TYR: variants seen among roughly 807,000 people sequenced by gnomAD.
TYR encodes the protein LB24-AB.
In TYR, 58 loss-of-function variants were observed where a neutral mutation model predicts 51.5. The observed-to-expected ratio is 1.13, with a 90% CI of 0.91 to 1.40. The LOEUF (loss-of-function observed/expected upper bound fraction) is 1.40, where lower values mean the gene tolerates loss of function less well. Among genes scored for constraint, TYR ranks in the 40% most tolerant of loss-of-function variants. The probability of loss-of-function intolerance (pLI) is 0.00; values close to 1 mark genes in which losing one functional copy is unlikely to be tolerated. For synonymous variants in TYR, 263 were observed against 235.2 expected (o/e 1.12, Z -1.08); for missense variants, 732 against 647.4 (o/e 1.13, Z -1.42).
At chr11:89,235,590 A>G (rs1206614383) in intron 3 of TYR, among the ~76,000 whole-genome samples, 1 of 152,152 alleles carries the variant, frequency 6.6e-6, no homozygotes, top group African/African-American at 2.4e-5. Flanking sequence ...GTAACCACAT[A>G]ATCTCTTTAG....
intron 3 of TYR, among the ~76,000 whole-genome samples, chr11:89,229,757 C>G (rs1456466030): frequency 6.6e-6 from 1 of 151,832 alleles, no homozygotes; most frequent in African/African-American, 2.4e-5. Flanking sequence ...TAACAATGAA[C>G]TATCTCAAAA....
intron 3 of TYR, among the ~76,000 whole-genome samples, chr11:89,252,209 G>A (rs186735417): frequency 1.6e-4 from 24 of 146,024 alleles, no homozygotes; most frequent in Admixed American, 1.2e-3. Flanking sequence ...CCCTTGAGAC[G>A]ATCAGTACCA....
chr11:89,178,662 G>A lies in TYR; in HGVS notation c.709G>A (p.Asp237Asn), dbSNP rs1461540672. ...GDENFTIPYWDWRDAEKCDIC... is the reference protein window; with the variant it reads ...GDENFTIPYWNWRDAEKCDIC... ...TGAAAACTTCACTATTCCATATTGG[G>A]ACTGGCGGGATGCAGAAAAGTGTGA... Residue 237 changes from aspartate to asparagine, a missense_variant, in exon 1 of 5, where the codon GAC (aspartate) becomes AAC (asparagine). Physicochemically the swap from Asp to Asn is conservative, Grantham distance 23. Coordinates refer to ENST00000263321, the MANE Select transcript of TYR (RefSeq NM_000372.5). The A allele has an allele frequency of 6.2e-7, 1 of 1,613,658 alleles. No homozygotes were observed. Among genetic ancestry groups the A allele is most frequent in the East Asian group, 2.2e-5 (1 of 44,852 alleles).
At chr11:89,219,500 G>C (rs556741511) in intron 2 of TYR, among the ~76,000 whole-genome samples, 132 of 151,832 alleles carry the variant, frequency 8.7e-4, no homozygotes, top group Non-Finnish European at 1.6e-3. Context: ...TGTTGGCCAG[G>C]CTGGTTTTGA....
chr11:89,290,388 T>C (rs376141275), intron 4 of TYR, among the ~76,000 whole-genome samples: 11 of 152,134 alleles, frequency 7.2e-5, no homozygotes, highest in East Asian at 5.8e-4. Context: ...AGGACTGACA[T>C]AGAAATAGTA....
intron 3 of TYR, among the ~76,000 whole-genome samples, chr11:89,262,581 T>C (rs1002674930): frequency 2.6e-5 from 3 of 116,076 alleles, no homozygotes; most frequent in Admixed American, 8.7e-5. Context: ...TCAACAAAAA[T>C]GACAAACATT....
At chr11:89,280,435 A>G (rs764121396) in intron 3 of TYR, among the ~76,000 whole-genome samples, 7 of 151,590 alleles carry the variant, frequency 4.6e-5, no homozygotes, top group Non-Finnish European at 8.9e-5. Context: ...TGTTAGTGAT[A>G]TATACAACAC....
intron 4 of TYR, among the ~76,000 whole-genome samples, chr11:89,288,984 AG>A (rs1354063101): frequency 6.6e-6 from 1 of 152,040 alleles, no homozygotes; most frequent in East Asian, 1.9e-4. Flanking sequence ...TTCTGTAAAA[AG>A]GCAGCTGATG....
intron 3 of TYR, among the ~76,000 whole-genome samples, chr11:89,240,517 A>C (rs1272343716): frequency 6.6e-6 from 1 of 152,084 alleles, no homozygotes; most frequent in African/African-American, 2.4e-5. Context: ...TAAACATTAT[A>C]AATATTTTTT....
At chr11:89,185,955 T>C (rs1024314819) in intron 1 of TYR, among the ~76,000 whole-genome samples, 3 of 152,192 alleles carry the variant, frequency 2.0e-5, no homozygotes, top group Non-Finnish European at 4.4e-5. Flanking sequence ...GAAATGTTTT[T>C]ACATTCAGAG....
chr11:89,231,226 A>G (rs1399196967), intron 3 of TYR, among the ~76,000 whole-genome samples: 1 of 151,824 alleles, frequency 6.6e-6, no homozygotes, highest in African/African-American at 2.4e-5. Context: ...GGGAATGTAA[A>G]TTAATATAGT....
At position 89,219,993 on chromosome 11, in the gene TYR, G is replaced by A. The variant is rs531217774; in HGVS notation, c.1037-7830G>A. On this transcript the variant is annotated intron_variant, in intron 2 of 4. Coordinates refer to ENST00000263321, the MANE Select transcript of TYR (RefSeq NM_000372.5). ...TATTTTAAATTTTATTGCAACTAAT[G>A]GCTTTATATCAACTGAAAGAATGTA... Among the ~76,000 whole-genome samples, 179 of 152,256 alleles carry A rather than the reference G, an allele frequency of 1.2e-3. 6 individuals are homozygous for A. The South Asian group carries it at 0.035, about 29-fold the overall frequency.
At chr11:89,292,701 G>A (rs577112004) in intron 4 of TYR, among the ~76,000 whole-genome samples, 14 of 152,158 alleles carry the variant, frequency 9.2e-5, no homozygotes, top group African/African-American at 2.9e-4. Context: ...CCAGAAAATC[G>A]AATATTGAAA....
intron 2 of TYR, among the ~76,000 whole-genome samples, chr11:89,211,406 C>T (rs1473467161): frequency 6.6e-6 from 1 of 152,144 alleles, no homozygotes; most frequent in South Asian, 2.1e-4. Context: ...AGCTAACTGT[C>T]CTAAATATAC....
chr11:89,277,231 GA>G (rs1362911695), intron 3 of TYR, among the ~76,000 whole-genome samples: 1 of 151,252 alleles, frequency 6.6e-6, no homozygotes, highest in Non-Finnish European at 1.5e-5. Context: ...AGTACTACAT[GA>G]AAAAAATAAA....
intron 3 of TYR, among the ~76,000 whole-genome samples, chr11:89,231,656 G>A (rs1196387699): frequency 7.0e-6 from 1 of 142,086 alleles, no homozygotes; most frequent in Non-Finnish European, 1.5e-5. Context: ...TGGGTTGGAG[G>A]GAAGTTGGAC....
At chr11:89,192,066 G>T in intron 2 of TYR, 1 of 438,548 alleles carries the variant, frequency 2.3e-6, no homozygotes, top group South Asian at 1.6e-5. Context: ...TAAGGACACA[G>T]CACATAGGTA....
intron 4 of TYR, among the ~76,000 whole-genome samples, chr11:89,288,391 T>G (rs191545337): frequency 6.6e-6 from 1 of 152,100 alleles, no homozygotes; most frequent in South Asian, 2.1e-4. Context: ...CTTTAACCCC[T>G]ACATTGTCTT....
At position 89,191,313 on chromosome 11, in the gene TYR, AG is replaced by A; in HGVS notation, c.933del (p.Arg311SerfsTer8). The A allele has an allele frequency of 6.2e-7, 1 of 1,613,694 alleles. No homozygotes were observed. Among genetic ancestry groups the A allele is most frequent in the South Asian group, 1.1e-5 (1 of 91,080 alleles). On this transcript the variant is annotated frameshift_variant, in exon 2 of 5. Transcript: ENST00000263321. LOFTEE classifies it high-confidence loss of function. Reference protein sequence around the residue: ...PGNHDKSRTPRLPSSADVEFC... With the variant: ...PGNHDKSRTPXLPSSADVEFC... ...AAACCATGACAAATCCAGAACCCCAAGGCTCCCCTCTTCAGCTGATGTAGAA... is the reference window on the plus strand; with the variant it reads ...AAACCATGACAAATCCAGAACCCCAAGCTCCCCTCTTCAGCTGATGTAGAA...
Sources: gnomAD v4.1 joint callset for allele counts (sites outside exome capture counted in the v4.1 genomes callset) on GRCh38, gnomAD v4.1.1 for gene constraint, MANE v1.5 for transcripts, NCBI Gene and HGNC (gene_info 2026-07-23, HGNC 2026-07-21) for gene names.